SLC25A21: variants seen among roughly 807,000 people sequenced by gnomAD.
SLC25A21 encodes mitochondrial 2-oxodicarboxylate carrier.
SLC25A21 carries 47 observed loss-of-function variants against 43.8 expected under a neutral mutation model. The observed-to-expected ratio is 1.07, with a 90% CI of 0.85 to 1.37. SLC25A21 has a LOEUF of 1.37. SLC25A21 is among the 40% of genes most tolerant of loss of function. SLC25A21 has a pLI of 0.00. For missense variants in SLC25A21, 352 were observed against 350.2 expected (o/e 1.00, Z -0.04); for synonymous variants, 131 against 121.3 (o/e 1.08, Z -0.52).
chr14:37,126,371 T>A (rs1468973114), intron 1 of SLC25A21, among the ~76,000 whole-genome samples: 5 of 150,964 alleles, frequency 3.3e-5, no homozygotes, highest in Non-Finnish European at 7.4e-5. Flanking sequence ...TATACCTAAT[T>A]TTTTTTTTGA....
intron 1 of SLC25A21, among the ~76,000 whole-genome samples, chr14:36,991,393 AC>A (rs1267440150): frequency 1.3e-5 from 2 of 152,166 alleles, no homozygotes; most frequent in Non-Finnish European, 2.9e-5. Flanking sequence ...GGCATTCAAC[AC>A]TTATGGACCT....
intron 1 of SLC25A21, among the ~76,000 whole-genome samples, chr14:37,107,919 C>T (rs1304799285): frequency 6.6e-6 from 1 of 152,114 alleles, no homozygotes; most frequent in Non-Finnish European, 1.5e-5. Flanking sequence ...GAGACAGTTC[C>T]AGTTTATGCC....
chr14:36,838,513 C>A (rs1370588271), intron 2 of SLC25A21, among the ~76,000 whole-genome samples: 1 of 152,170 alleles, frequency 6.6e-6, no homozygotes, highest in African/African-American at 2.4e-5. Context: ...AATGTGACTT[C>A]ATGGTCTGTT....
At chr14:37,021,003 T>C (rs1960974033) in intron 1 of SLC25A21, among the ~76,000 whole-genome samples, 1 of 152,026 alleles carries the variant, frequency 6.6e-6, no homozygotes, top group Non-Finnish European at 1.5e-5. Flanking sequence ...AGACGTTTCC[T>C]GAGGTCATCT....
intron 1 of SLC25A21, among the ~76,000 whole-genome samples, chr14:37,071,504 C>A (rs1962168585): frequency 6.6e-6 from 1 of 152,116 alleles, no homozygotes; most frequent in African/African-American, 2.4e-5. Flanking sequence ...CAGAAGCAGC[C>A]CTGAGCTAGA....
In SLC25A21 at chr14:36,679,648, T is replaced by A; in HGVS notation, c.*1010A>T. 1 of 985,432 alleles carries A rather than the reference T, an allele frequency of 1.0e-6. No individual in the cohort carries two copies. The allele number at this position is 985,432 out of a possible 1,614,324, so 61.0% of individuals were successfully genotyped here. On this transcript the variant is annotated 3_prime_UTR_variant, in exon 10 of 10. Coordinates refer to ENST00000331299, the MANE Select transcript of SLC25A21 (RefSeq NM_030631.4). ...CCCTTCATCATACATATTTTAATACTGCAGACAGCTGACTTCCCACCTGAA... is the reference window on the plus strand; with the variant it reads ...CCCTTCATCATACATATTTTAATACAGCAGACAGCTGACTTCCCACCTGAA...
intron 1 of SLC25A21, among the ~76,000 whole-genome samples, chr14:36,916,722 T>C (rs1372405063): frequency 6.6e-6 from 1 of 152,180 alleles, no homozygotes; most frequent in South Asian, 2.1e-4. Context: ...GTCCACACTG[T>C]TGACTTCCAA....
intron 1 of SLC25A21, among the ~76,000 whole-genome samples, chr14:37,054,512 C>G (rs1357934449): frequency 6.6e-6 from 1 of 152,006 alleles, no homozygotes; most frequent in Admixed American, 6.6e-5. Context: ...TAACAGAAAC[C>G]TAAAACATGT....
chr14:37,047,114 T>C (rs1961603020), intron 1 of SLC25A21, among the ~76,000 whole-genome samples: 1 of 152,098 alleles, frequency 6.6e-6, no homozygotes, highest in Non-Finnish European at 1.5e-5. Flanking sequence ...CCTACAACTT[T>C]TGAAAGTCAC....
chr14:37,046,653 C>A (rs910431796), intron 1 of SLC25A21, among the ~76,000 whole-genome samples: 1 of 152,154 alleles, frequency 6.6e-6, no homozygotes, highest in Non-Finnish European at 1.5e-5. Context: ...CTGTTGCAGA[C>A]ATTCTCTGAT....
Position 36,882,766 on chromosome 14 carries a change from C to T in SLC25A21, c.71-7762G>A, listed in dbSNP as rs535139201. ...AAATATCTGATTGCCTGTTTGACATCTCTGCCTGGATATCTAGTAGCCTAG... is the reference window on the plus strand; with the variant it reads ...AAATATCTGATTGCCTGTTTGACATTTCTGCCTGGATATCTAGTAGCCTAG... On this transcript the variant is annotated intron_variant, in intron 1 of 9. Coordinates refer to ENST00000331299, the MANE Select transcript of SLC25A21 (RefSeq NM_030631.4). 4.0e-5 allele frequency among the ~76,000 whole-genome samples: 6 copies of T among 151,688 alleles called. No homozygotes were observed. In the South Asian group the frequency reaches 1.3e-3, roughly 32 times the overall value.
At chr14:37,138,065 T>C (rs1452587888) in intron 1 of SLC25A21, among the ~76,000 whole-genome samples, 1 of 152,180 alleles carries the variant, frequency 6.6e-6, no homozygotes, top group African/African-American at 2.4e-5. Context: ...TCTGCTCATA[T>C]TCCACTTGCT....
intron 2 of SLC25A21, among the ~76,000 whole-genome samples, chr14:36,847,455 C>G (rs1025578236): frequency 6.6e-6 from 1 of 152,142 alleles, no homozygotes; most frequent in African/African-American, 2.4e-5. Flanking sequence ...ATAGTTCCTG[C>G]CTTTGCAAGC....
intron 1 of SLC25A21, among the ~76,000 whole-genome samples, chr14:37,025,198 G>A (rs752308445): frequency 6.6e-6 from 1 of 152,112 alleles, no homozygotes; most frequent in African/African-American, 2.4e-5. Flanking sequence ...TCTGAGCTTC[G>A]CCAGTTATGC....
At chr14:36,798,631 G>T (rs372994193) in intron 3 of SLC25A21, among the ~76,000 whole-genome samples, 4 of 151,524 alleles carry the variant, frequency 2.6e-5, no homozygotes, top group African/African-American at 9.7e-5. Context: ...AATACCGTTT[G>T]CTTGCTGGGT....
At chr14:37,041,155 T>A (rs553145152) in intron 1 of SLC25A21, among the ~76,000 whole-genome samples, 4 of 152,280 alleles carry the variant, frequency 2.6e-5, no homozygotes, top group Admixed American at 2.0e-4. Flanking sequence ...ATATATCTTA[T>A]CATATATTTA....
chr14:36,738,624 C>A (rs946765483), intron 3 of SLC25A21, among the ~76,000 whole-genome samples: 1 of 152,182 alleles, frequency 6.6e-6, no homozygotes. Flanking sequence ...TGACTCACAT[C>A]AAGCCAACTA....
intron 1 of SLC25A21, among the ~76,000 whole-genome samples, chr14:36,892,997 T>C (rs776211721): frequency 5.9e-5 from 9 of 152,176 alleles, no homozygotes; most frequent in African/African-American, 2.2e-4. Flanking sequence ...TGAATAGTGC[T>C]GCAATAAACA....
intron 3 of SLC25A21, among the ~76,000 whole-genome samples, chr14:36,769,992 C>A (rs1344355758): frequency 2.0e-5 from 3 of 152,154 alleles, no homozygotes; most frequent in Admixed American, 1.3e-4. Flanking sequence ...AGAGCGGCAG[C>A]CACATATCTG....
Sources: gnomAD v4.1 joint callset for allele counts (sites outside exome capture counted in the v4.1 genomes callset) on GRCh38, gnomAD v4.1.1 for gene constraint, MANE v1.5 for transcripts, NCBI Gene and HGNC (gene_info 2026-07-23, HGNC 2026-07-21) for gene names.